Variants in PRKCA observed in about 807,000 individuals in gnomAD.
The protein encoded by PRKCA is protein kinase C alpha.
PRKCA carries 27 observed loss-of-function variants against 87.0 expected under a neutral mutation model. The ratio of observed to expected loss-of-function variants is 0.31; its 90% CI spans 0.23 to 0.43. PRKCA has a LOEUF of 0.43. Ranked by LOEUF, PRKCA falls within the 20% of genes least tolerant of loss-of-function variation. The probability of loss-of-function intolerance (pLI) is 1.00; values close to 1 mark genes in which losing one functional copy is unlikely to be tolerated. For missense variants in PRKCA, 518 were observed against 852.3 expected (o/e 0.61, Z 4.88); for synonymous variants, 329 against 311.1 (o/e 1.06, Z -0.61).
intron 2 of PRKCA, among the ~76,000 whole-genome samples, chr17:66,393,754 C>T (rs1016592052): frequency 6.6e-6 from 1 of 152,016 alleles, no homozygotes; most frequent in Non-Finnish European, 1.5e-5. Context: ...AGCGCCCTCC[C>T]TGAGGGTGAG....
chr17:66,534,056 ACTG>A (rs1398514422), intron 3 of PRKCA, among the ~76,000 whole-genome samples: 2 of 151,540 alleles, frequency 1.3e-5, no homozygotes, highest in Non-Finnish European at 2.9e-5. Flanking sequence ...CTTTTCTGGA[ACTG>A]CTGCCCCCCG....
chr17:66,646,782 A>G (rs1971469135), intron 5 of PRKCA, among the ~76,000 whole-genome samples: 1 of 152,182 alleles, frequency 6.6e-6, no homozygotes, highest in Non-Finnish European at 1.5e-5. Context: ...AACTCAGAGA[A>G]GAACAAAGGA....
At chr17:66,347,246 T>C (rs932269181) in intron 2 of PRKCA, among the ~76,000 whole-genome samples, 3 of 151,740 alleles carry the variant, frequency 2.0e-5, no homozygotes, top group African/African-American at 7.3e-5. Flanking sequence ...GTGGGAAGAG[T>C]GGTGTTTTAC....
chr17:66,371,389 A>G (rs9894983), intron 2 of PRKCA, among the ~76,000 whole-genome samples: 7,282 of 152,250 alleles, frequency 0.048, 396 homozygotes, highest in African/African-American at 0.14. Context: ...AGATCCACAT[A>G]TAAGACTCAT....
chr17:66,711,027 A>G (rs1012127722), intron 8 of PRKCA, among the ~76,000 whole-genome samples: 1 of 152,118 alleles, frequency 6.6e-6, no homozygotes, highest in African/African-American at 2.4e-5. Context: ...TGGGTGACAG[A>G]GTAAGACTCC....
chr17:66,726,468 G>A (rs1157210066), intron 8 of PRKCA, among the ~76,000 whole-genome samples: 1 of 152,212 alleles, frequency 6.6e-6, no homozygotes. Context: ...ACTGGGAGAA[G>A]GAAGGAGTGT....
chr17:66,759,773 T>C (rs931980546), intron 13 of PRKCA, among the ~76,000 whole-genome samples: 2 of 152,106 alleles, frequency 1.3e-5, no homozygotes, highest in African/African-American at 4.8e-5. Flanking sequence ...TCAAAGAAAT[T>C]AGGAGTCACT....
intron 3 of PRKCA, among the ~76,000 whole-genome samples, chr17:66,503,944 G>A (rs952183588): frequency 1.3e-5 from 2 of 152,142 alleles, no homozygotes; most frequent in Admixed American, 1.3e-4. Flanking sequence ...AACTGACACG[G>A]TAAAGTTAGA....
chr17:66,800,720 A>C (rs1042797565), intron 16 of PRKCA, among the ~76,000 whole-genome samples: 1 of 152,246 alleles, frequency 6.6e-6, no homozygotes, highest in Admixed American at 6.5e-5. Flanking sequence ...CTTTTTGCAG[A>C]ACACATTGAT....
intron 13 of PRKCA, among the ~76,000 whole-genome samples, chr17:66,766,523 A>G (rs973238784): frequency 6.6e-6 from 1 of 152,128 alleles, no homozygotes; most frequent in Non-Finnish European, 1.5e-5. Context: ...ACACAGCAAC[A>G]CTGTTGCTTC....
At chr17:66,522,203 G>T (rs1045580732) in intron 3 of PRKCA, among the ~76,000 whole-genome samples, 1 of 152,210 alleles carries the variant, frequency 6.6e-6, no homozygotes, top group Non-Finnish European at 1.5e-5. Context: ...ACGTGCCCCT[G>T]GGGAGAGCTG....
intron 3 of PRKCA, among the ~76,000 whole-genome samples, chr17:66,569,940 A>G (rs1232379602): frequency 6.6e-6 from 1 of 152,060 alleles, no homozygotes; most frequent in Non-Finnish European, 1.5e-5. Context: ...CCCAAAAGTC[A>G]TGCCCAAAAT....
chr17:66,435,938 T>G (rs1474526278), intron 2 of PRKCA, among the ~76,000 whole-genome samples: 3 of 152,080 alleles, frequency 2.0e-5, no homozygotes, highest in Non-Finnish European at 4.4e-5. Context: ...AGGTTAGGAT[T>G]GGAGAGGCCA....
chr17:66,442,850 G>C (rs1199662613), intron 2 of PRKCA, among the ~76,000 whole-genome samples: 4 of 152,006 alleles, frequency 2.6e-5, no homozygotes, highest in Non-Finnish European at 5.9e-5. Flanking sequence ...TCTCTCTTTT[G>C]AGATAACTTC....
Position 66,806,485 on chromosome 17 carries a change from T to C in PRKCA, c.*2448T>C, listed in dbSNP as rs979144482. 3.3e-5 allele frequency: 5 copies of C among 152,198 alleles called. No individual in the cohort carries two copies. The highest frequency in any genetic ancestry group is 2.1e-4 in the South Asian group (1 of 4,810). The allele number at this position is 152,198 out of a possible 1,614,324, so 9.4% of individuals were successfully genotyped here. ...CGTGTCCTGACCAGGTGCTCCTCCT[T>C]TGATCCGAGGGGAAAGGGACTGGTT... On this transcript the variant is annotated 3_prime_UTR_variant, in exon 17 of 17. Coordinates refer to ENST00000413366, the MANE Select transcript of PRKCA (RefSeq NM_002737.3).
chr17:66,594,566 G>A lies in PRKCA; in HGVS notation c.289-46789G>A, dbSNP rs142309805. Among the ~76,000 whole-genome samples, 93 of 152,114 alleles carry A rather than the reference G, an allele frequency of 6.1e-4. 1 individual carries two copies. The highest frequency in any genetic ancestry group is 5.3e-3 in the Admixed American group (81 of 15,276). ...TACTCAGCGTGTTATTGCCTGACACGTTCTGGGAAATCACAGGACAATCAT... is the reference window on the plus strand; with the variant it reads ...TACTCAGCGTGTTATTGCCTGACACATTCTGGGAAATCACAGGACAATCAT... On this transcript the variant is annotated intron_variant, in intron 3 of 16. Transcript: ENST00000413366.
intron 3 of PRKCA, among the ~76,000 whole-genome samples, chr17:66,618,477 TAGA>T (rs1970577587): frequency 6.6e-6 from 1 of 152,198 alleles, no homozygotes; most frequent in African/African-American, 2.4e-5. Context: ...TTTCATTTAT[TAGA>T]AGAAAACATT....
chr17:66,713,302 G>T (rs1043458969), intron 8 of PRKCA, among the ~76,000 whole-genome samples: 1 of 151,808 alleles, frequency 6.6e-6, no homozygotes, highest in African/African-American at 2.4e-5. Flanking sequence ...TGCCTGCCTC[G>T]GCCTCCCAAA....
intron 2 of PRKCA, among the ~76,000 whole-genome samples, chr17:66,368,975 C>G (rs531647255): frequency 3.3e-5 from 5 of 152,254 alleles, no homozygotes; most frequent in African/African-American, 1.2e-4. Flanking sequence ...GGGGTTGACT[C>G]CATGATTCCG....
Sources: gnomAD v4.1 joint callset for allele counts (sites outside exome capture counted in the v4.1 genomes callset) on GRCh38, gnomAD v4.1.1 for gene constraint, MANE v1.5 for transcripts, NCBI Gene and HGNC (gene_info 2026-07-23, HGNC 2026-07-21) for gene names.